The following FER1L6 variants were observed in gnomAD, a reference collection of about 807,000 sequenced individuals.
FER1L6 encodes the protein fer-1 like family member 6.
In FER1L6, 177 loss-of-function variants were observed where a neutral mutation model predicts 219.2. The observed-to-expected ratio is 0.81, with a 90% CI of 0.71 to 0.91. The LOEUF is 0.91. Among genes scored for constraint, FER1L6 ranks in the 40% least tolerant of loss-of-function variants. The probability of loss-of-function intolerance (pLI) is 0.00; values close to 1 mark genes in which losing one functional copy is unlikely to be tolerated. For missense variants in FER1L6, 2,153 were observed against 2,259.9 expected (o/e 0.95, Z 0.96); for synonymous variants, 768 against 824.3 (o/e 0.93, Z 1.17).
chr8:124,118,180 T>C (rs921569516), intron 39 of FER1L6, among the ~76,000 whole-genome samples: 3 of 152,086 alleles, frequency 2.0e-5, no homozygotes, highest in Non-Finnish European at 2.9e-5. Flanking sequence ...CAAGAGAAAA[T>C]GGCTCTTAAC....
chr8:123,963,329 G>T lies in FER1L6; in HGVS notation c.128G>T (p.Gly43Val). ...ALQEEPSHQE[G>V]PRGDLVHDDA... is the part of the protein sequence containing the mutation. Reference sequence around the variant, plus strand: ...CAGGAGGAGCCTTCTCACCAGGAAGGACCGAGAGGAGATTTGGTCCATGAT... The same window carrying T: ...CAGGAGGAGCCTTCTCACCAGGAAGTACCGAGAGGAGATTTGGTCCATGAT... The change falls in exon 3 of 41, where the codon GGA (glycine) becomes GTA (valine). Residue 43 changes from glycine to valine, a missense_variant. Transcript: ENST00000522917. 6.2e-7 allele frequency: 1 copy of T among 1,614,154 alleles called. No individual in the cohort carries two copies. The highest frequency in any genetic ancestry group is 1.1e-5 in the South Asian group (1 of 91,066).
chr8:123,895,840 T>G (rs1040142691), intron 1 of FER1L6, among the ~76,000 whole-genome samples: 4 of 152,202 alleles, frequency 2.6e-5, no homozygotes, highest in African/African-American at 2.4e-5. Flanking sequence ...TGTAACAAGA[T>G]ACGCAGAGTC....
At chr8:123,910,146 C>T (rs1014247168) in intron 1 of FER1L6, among the ~76,000 whole-genome samples, 1 of 152,168 alleles carries the variant, frequency 6.6e-6, no homozygotes, top group Admixed American at 6.5e-5. Context: ...TGTTTGAGGC[C>T]TTAAGCCATG....
intron 1 of FER1L6, among the ~76,000 whole-genome samples, chr8:123,938,093 A>G (rs1814077162): frequency 6.6e-6 from 1 of 152,228 alleles, no homozygotes; most frequent in South Asian, 2.1e-4. Context: ...ATCCTATCAT[A>G]CCAAGAACAC....
At chr8:124,075,622 ATATAC>A (rs1303823076) in intron 31 of FER1L6, among the ~76,000 whole-genome samples, 3 of 152,358 alleles carry the variant, frequency 2.0e-5, no homozygotes, top group African/African-American at 7.2e-5. Context: ...GTCAAGTATT[ATATAC>A]TATACATGAT....
chr8:123,884,950 C>A (rs973350204), intron 1 of FER1L6, among the ~76,000 whole-genome samples: 3 of 152,066 alleles, frequency 2.0e-5, no homozygotes, highest in Non-Finnish European at 4.4e-5. Flanking sequence ...TGACACCAGC[C>A]TGCATTAAGG....
Position 123,852,420 on chromosome 8 carries a change from G to A in FER1L6, c.-8+235G>A, listed in dbSNP as rs554298550. ...CTGTTGGCAGATTGGGTACTCAGTG[G>A]TCGCTGTAGCCAGGTTGACCTTGTT... On this transcript the variant is annotated intron_variant, in intron 1 of 40. Coordinates refer to ENST00000522917, the MANE Select transcript of FER1L6 (RefSeq NM_001039112.2). This position sits in a 1 kb window ranked among gnomAD's most constrained non-coding sequence, Gnocchi z 4.9. Among the ~76,000 whole-genome samples, 6 of 151,708 alleles carry A rather than the reference G, an allele frequency of 4.0e-5. No homozygotes were observed. In the South Asian group the frequency reaches 1.3e-3, roughly 32 times the overall value.
intron 1 of FER1L6, among the ~76,000 whole-genome samples, chr8:123,949,798 C>T (rs939367305): frequency 2.0e-5 from 3 of 152,096 alleles, no homozygotes; most frequent in African/African-American, 7.2e-5. Flanking sequence ...CTTAGCCCTT[C>T]CCAAGTGAGG....
In FER1L6 at chr8:124,109,211, G is replaced by A. The variant is rs573031067; in HGVS notation, c.5289+5902G>A. ...CAGCAGATTTTACAGGCAGGCTGGA[G>A]AAGGCGGTGTCTGATTTACAGAGGG... On this transcript the variant is annotated intron_variant, in intron 39 of 40. Transcript: ENST00000522917. 5.3e-5 allele frequency among the ~76,000 whole-genome samples: 8 copies of A among 152,338 alleles called. No individual in the cohort carries two copies. In the South Asian group the frequency reaches 8.3e-4, roughly 16 times the overall value.
At chr8:124,023,394 A>G in intron 17 of FER1L6, 50 bp from the exon 18 acceptor site, 2 of 1,581,064 alleles carry the variant, frequency 1.3e-6, no homozygotes, top group East Asian at 2.3e-5. Context: ...TTCAATGCCA[A>G]CCTTTCAAAT....
At chr8:124,064,251 T>C (rs1820723699) in intron 25 of FER1L6, 96 bp from the exon 26 acceptor site, 1 of 959,264 alleles carries the variant, frequency 1.0e-6, no homozygotes, top group Non-Finnish European at 1.6e-6. Context: ...CCTGACGTAT[T>C]TGAATCCGAA....
chr8:124,080,346 T>C (rs1199855230), intron 32 of FER1L6, among the ~76,000 whole-genome samples: 1 of 152,050 alleles, frequency 6.6e-6, no homozygotes, highest in Non-Finnish European at 1.5e-5. Context: ...AGATGGAGTT[T>C]TGCTCTTGTC....
At chr8:124,093,424 T>C (rs1586327629) in intron 34 of FER1L6, among the ~76,000 whole-genome samples, 1 of 151,818 alleles carries the variant, frequency 6.6e-6, no homozygotes, top group African/African-American at 2.4e-5. Context: ...GAACCATACA[T>C]AGGATGGTTT....
intron 39 of FER1L6, among the ~76,000 whole-genome samples, chr8:124,105,534 A>T (rs950762989): frequency 9.2e-5 from 14 of 152,204 alleles, no homozygotes; most frequent in African/African-American, 2.9e-4. Flanking sequence ...GTAAGAAAAA[A>T]GAGTAAAAAT....
chr8:124,036,451 A>G (rs1255052064), intron 19 of FER1L6: 1 of 152,200 alleles, frequency 6.6e-6, no homozygotes, highest in African/African-American at 2.4e-5. Context: ...TGATTTCTCA[A>G]ATCAACCCTG....
intron 36 of FER1L6, 51 bp downstream of exon 36, chr8:124,097,410 G>C (rs765228799): frequency 1.6e-6 from 2 of 1,282,632 alleles, no homozygotes; most frequent in Admixed American, 3.6e-5. Flanking sequence ...GGTAGCAGAT[G>C]AAAGAATCAT....
At chr8:123,992,554 C>A (rs1816909427) in intron 12 of FER1L6, among the ~76,000 whole-genome samples, 1 of 152,002 alleles carries the variant, frequency 6.6e-6, no homozygotes, top group Non-Finnish European at 1.5e-5. Flanking sequence ...GGTAATGTCT[C>A]CATTTTAATT....
In FER1L6 at chr8:123,852,218, A is replaced by T. The variant is rs1816522345; in HGVS notation, c.-8+33A>T. The T allele has an allele frequency of 6.6e-6, 1 of 152,298 alleles. No individual in the cohort carries two copies. Among genetic ancestry groups the T allele is most frequent in the Non-Finnish European group, 1.5e-5 (1 of 68,118 alleles). The allele number at this position is 152,298 out of a possible 1,614,324, so 9.4% of individuals were successfully genotyped here. ...CATAGATAATAGATTCTACAGAAGCATTGTGTGCAGGGAAGGCAAGTTCAT... is the reference window on the plus strand; with the variant it reads ...CATAGATAATAGATTCTACAGAAGCTTTGTGTGCAGGGAAGGCAAGTTCAT... On this transcript the variant is annotated intron_variant, in intron 1 of 40. Transcript: ENST00000522917. This position sits in a 1 kb window ranked among gnomAD's most constrained non-coding sequence, Gnocchi z 4.9.
chr8:123,988,061 G>A (rs1239423260), intron 12 of FER1L6, among the ~76,000 whole-genome samples: 2 of 151,974 alleles, frequency 1.3e-5, no homozygotes, highest in Non-Finnish European at 2.9e-5. Flanking sequence ...TTGCGCCACT[G>A]CACTCCAGCC....
Sources: gnomAD v4.1 joint callset for allele counts (sites outside exome capture counted in the v4.1 genomes callset) on GRCh38, gnomAD v4.1.1 for gene constraint, Gnocchi (gnomAD v3.1) non-coding constraint, MANE v1.5 for transcripts, NCBI Gene and HGNC (gene_info 2026-07-23, HGNC 2026-07-21) for gene names.